RNF220: variants seen among roughly 807,000 people sequenced by gnomAD.
RNF220 encodes the protein E3 ubiquitin-protein ligase RNF220.
Under a neutral mutation model 67.1 loss-of-function variants are expected in RNF220, and 7 were observed. That is an observed-to-expected ratio of 0.10 (90% confidence interval 0.06 to 0.20). RNF220 has a LOEUF of 0.20. Among genes scored for constraint, RNF220 ranks in the 10% least tolerant of loss-of-function variants. The pLI, the probability that RNF220 is intolerant of heterozygous loss-of-function variation, is 1.00. For synonymous variants in RNF220, 270 were observed against 283.2 expected, an observed-to-expected ratio of 0.95 and a Z score of 0.47; for missense variants, 565 against 740.3, an observed-to-expected ratio of 0.76 and a Z score of 2.75.
chr1:44,516,816 T>A (rs1481886683), intron 2 of RNF220, among the ~76,000 whole-genome samples: 1 of 152,148 alleles, frequency 6.6e-6, no homozygotes, highest in East Asian at 1.9e-4. Context: ...TCCTCTCCTG[T>A]CCCCATTCTC....
chr1:44,573,486 T>A (rs1470479663), intron 2 of RNF220, among the ~76,000 whole-genome samples: 1 of 152,146 alleles, frequency 6.6e-6, no homozygotes, highest in Non-Finnish European at 1.5e-5. Context: ...GCAGTGGGCA[T>A]CATGGAAAGC....
At chr1:44,545,242 G>A (rs1459139091) in intron 2 of RNF220, among the ~76,000 whole-genome samples, 1 of 152,198 alleles carries the variant, frequency 6.6e-6, no homozygotes, top group Non-Finnish European at 1.5e-5. Context: ...AGAGCTGACG[G>A]GACATCTGGT....
chr1:44,605,115 A>G (rs1314506018), intron 2 of RNF220, among the ~76,000 whole-genome samples: 1 of 152,108 alleles, frequency 6.6e-6, no homozygotes, highest in Non-Finnish European at 1.5e-5. Flanking sequence ...CCTGGCCAAC[A>G]TGGTGAAACC....
At chr1:44,581,327 C>T (rs974464039) in intron 2 of RNF220, among the ~76,000 whole-genome samples, 2 of 152,214 alleles carry the variant, frequency 1.3e-5, no homozygotes, top group African/African-American at 4.8e-5. Context: ...GCCTCTACGC[C>T]GGCAGGACAG....
chr1:44,459,825 G>C (rs560746618), intron 2 of RNF220, among the ~76,000 whole-genome samples: 1 of 152,272 alleles, frequency 6.6e-6, no homozygotes, highest in South Asian at 2.1e-4. Flanking sequence ...AAAGAGGTGA[G>C]GTCAGATTAG....
chr1:44,626,244 C>T, intron 4 of RNF220, 53 bp from the exon 5 acceptor site: 1 of 1,386,204 alleles, frequency 7.2e-7, no homozygotes, highest in Non-Finnish European at 1.0e-6. Flanking sequence ...ACTCTAGGGA[C>T]TGACTGTAGG....
intron 2 of RNF220, among the ~76,000 whole-genome samples, chr1:44,533,273 T>G (rs1483109489): frequency 6.6e-6 from 1 of 152,142 alleles, no homozygotes; most frequent in Admixed American, 6.5e-5. Flanking sequence ...GGAGGGTCAC[T>G]TGAGCCCAGG....
chr1:44,553,648 A>G (rs1182223156), intron 2 of RNF220, among the ~76,000 whole-genome samples: 1 of 152,238 alleles, frequency 6.6e-6, no homozygotes, highest in East Asian at 1.9e-4. Flanking sequence ...CTCATGGTAG[A>G]CAAAGTAGGA....
rs991405652 is a variant in RNF220, at chr1:44,405,428, G to A, written c.-220G>A. ...CGCCGCCGCCGCCGCCGCTGCCTCCGCCGGCTCTGCGAACCCGGGACTTTT... is the reference window on the plus strand; with the variant it reads ...CGCCGCCGCCGCCGCCGCTGCCTCCACCGGCTCTGCGAACCCGGGACTTTT... On this transcript the variant is annotated 5_prime_UTR_variant, in exon 1 of 15. Coordinates refer to ENST00000361799, the MANE Select transcript of RNF220 (RefSeq NM_018150.4). 12 of 628,130 alleles carry A rather than the reference G, an allele frequency of 1.9e-5. No homozygotes were observed. Among genetic ancestry groups the A allele is most frequent in the African/African-American group, 1.7e-4 (9 of 53,304 alleles). The allele number at this position is 628,130 out of a possible 1,614,324, so 38.9% of individuals were successfully genotyped here.
chr1:44,625,120 T>C (rs1272570007), intron 4 of RNF220, among the ~76,000 whole-genome samples: 1 of 152,156 alleles, frequency 6.6e-6, no homozygotes, highest in Non-Finnish European at 1.5e-5. Flanking sequence ...CTGTTCCCCC[T>C]CGTTAGCATC....
chr1:44,500,692 C>T (rs955236257), intron 2 of RNF220, among the ~76,000 whole-genome samples: 16 of 152,196 alleles, frequency 1.1e-4, no homozygotes, highest in African/African-American at 3.1e-4. Context: ...CTGCCTGTCT[C>T]CATTCTCTAA....
chr1:44,509,822 G>A lies in RNF220; in HGVS notation c.625+97100G>A, dbSNP rs572306935. Among the ~76,000 whole-genome samples the A allele has an allele frequency of 3.5e-5, 5 of 141,986 alleles. No homozygotes were observed. The East Asian group carries it at 8.2e-4, about 23-fold the overall frequency. 93.1% of individuals were successfully genotyped at this position (141,986 alleles called of 152,430 possible). A position where few individuals can be genotyped will look rare whatever the true frequency, so the allele number is the denominator to read the frequency against. On this transcript the variant is annotated intron_variant, in intron 2 of 14. Coordinates refer to ENST00000361799, the MANE Select transcript of RNF220 (RefSeq NM_018150.4). ...GAATTGCTTGAACCCAGGAGGCAGA[G>A]GCTGCAGTGAGCCAAGATTGTGCCA...
At chr1:44,455,992 C>T (rs969767635) in intron 2 of RNF220, among the ~76,000 whole-genome samples, 2 of 152,138 alleles carry the variant, frequency 1.3e-5, no homozygotes, top group African/African-American at 4.8e-5. Context: ...TAAATGCCTC[C>T]AAAGATCCCT....
intron 8 of RNF220, among the ~76,000 whole-genome samples, chr1:44,641,593 G>A (rs911318674): frequency 4.6e-5 from 7 of 152,238 alleles, no homozygotes; most frequent in East Asian, 1.9e-4. Context: ...GCAAGCTGGC[G>A]GGGGCGCTGT....
At chr1:44,511,095 T>G (rs1488101415) in intron 2 of RNF220, among the ~76,000 whole-genome samples, 2 of 152,166 alleles carry the variant, frequency 1.3e-5, no homozygotes, top group Non-Finnish European at 2.9e-5. Flanking sequence ...TCTCCTTATT[T>G]TTCAAAGGTG....
At chr1:44,552,300 G>T (rs1662700142) in intron 2 of RNF220, among the ~76,000 whole-genome samples, 1 of 152,012 alleles carries the variant, frequency 6.6e-6, no homozygotes, top group Non-Finnish European at 1.5e-5. Flanking sequence ...GAGCCTAGGA[G>T]TTCAAGACCA....
chr1:44,468,345 T>C (rs1031541784), intron 2 of RNF220, among the ~76,000 whole-genome samples: 7 of 152,148 alleles, frequency 4.6e-5, no homozygotes, highest in Admixed American at 4.6e-4. Context: ...CAGCTCTTCC[T>C]GTACTGATAT....
At chr1:44,431,518 A>G (rs1301763142) in intron 2 of RNF220, among the ~76,000 whole-genome samples, 3 of 151,986 alleles carry the variant, frequency 2.0e-5, no homozygotes, top group Non-Finnish European at 2.9e-5. Flanking sequence ...AAAAAAAAAA[A>G]AAGAAGTGGT....
intron 2 of RNF220, among the ~76,000 whole-genome samples, chr1:44,507,744 G>A (rs1026688733): frequency 1.1e-4 from 16 of 152,200 alleles, no homozygotes; most frequent in Admixed American, 5.2e-4. Flanking sequence ...CGGTGTGGGC[G>A]GCTTGGGCGC....
Sources: gnomAD v4.1 joint callset for allele counts (sites outside exome capture counted in the v4.1 genomes callset) on GRCh38, gnomAD v4.1.1 for gene constraint, MANE v1.5 for transcripts, NCBI Gene and HGNC (gene_info 2026-07-23, HGNC 2026-07-21) for gene names.